The following TTC7B variants were observed in gnomAD, a reference collection of about 807,000 sequenced individuals.
TTC7B encodes tetratricopeptide repeat domain 7B, also known as tetratricopeptide repeat protein 7B.
In TTC7B, 28 loss-of-function variants were observed where a neutral mutation model predicts 106.8. The ratio of observed to expected loss-of-function variants is 0.26; its 90% confidence interval spans 0.19 to 0.36. The LOEUF (loss-of-function observed/expected upper bound fraction) is 0.36, where lower values mean the gene tolerates loss of function less well. Among genes scored for constraint, TTC7B ranks in the 10% least tolerant of loss-of-function variants. TTC7B has a pLI of 1.00. For synonymous variants in TTC7B, 405 were observed against 430.6 expected (o/e 0.94, Z 0.74); for missense variants, 862 against 1,076.4 (o/e 0.80, Z 2.79).
chr14:90,695,980 T>C (rs990800126), intron 5 of TTC7B, among the ~76,000 whole-genome samples: 6 of 151,906 alleles, frequency 3.9e-5, no homozygotes, highest in Admixed American at 3.3e-4. Flanking sequence ...GTGTGCAACA[T>C]GGGTAAGGAT....
Position 90,663,112 on chromosome 14 carries a change from T to C in TTC7B, c.1153-4725A>G, listed in dbSNP as rs1385772790. Among the ~76,000 whole-genome samples, 1 of 152,196 alleles carries C rather than the reference T, an allele frequency of 6.6e-6. No individual in the cohort carries two copies. The highest frequency in any genetic ancestry group is 1.5e-5 in the Non-Finnish European group (1 of 68,036). On this transcript the variant is annotated intron_variant, in intron 9 of 19. Coordinates refer to ENST00000328459, the MANE Select transcript of TTC7B (RefSeq NM_001010854.2). This position sits in a 1 kb window ranked among gnomAD's most constrained non-coding sequence, Gnocchi z 4.5. ...CACTATTTTAATTACTTTACAAGCA[T>C]CGCCTCATCGGGTGACCCTAAGGAC...
At chr14:90,566,880 T>C (rs1890822223) in intron 19 of TTC7B, among the ~76,000 whole-genome samples, 1 of 152,210 alleles carries the variant, frequency 6.6e-6, no homozygotes, top group Non-Finnish European at 1.5e-5. Context: ...CATTCTCTCC[T>C]TTCCCCAGGT....
intron 13 of TTC7B, among the ~76,000 whole-genome samples, chr14:90,652,247 G>A (rs1885752009): frequency 6.6e-6 from 1 of 152,108 alleles, no homozygotes; most frequent in African/African-American, 2.4e-5. Flanking sequence ...CTTGTGTGTG[G>A]TAAGCAACAA....
intron 9 of TTC7B, among the ~76,000 whole-genome samples, chr14:90,662,901 G>C (rs1002941352): frequency 2.0e-5 from 3 of 152,116 alleles, no homozygotes; most frequent in African/African-American, 7.2e-5. Flanking sequence ...AATTTACAAT[G>C]CATTATATCA....
chr14:90,775,512 C>A (rs1890997416), intron 3 of TTC7B, among the ~76,000 whole-genome samples: 1 of 152,116 alleles, frequency 6.6e-6, no homozygotes, highest in South Asian at 2.1e-4. Context: ...AATTTCCACC[C>A]CAGCAGCAGG....
chr14:90,622,565 C>CA (rs1372779649), intron 15 of TTC7B, among the ~76,000 whole-genome samples: 1 of 151,778 alleles, frequency 6.6e-6, no homozygotes, highest in African/African-American at 2.4e-5. Flanking sequence ...CCTGTCTCTA[C>CA]AAAAAAATAT....
intron 19 of TTC7B, among the ~76,000 whole-genome samples, chr14:90,573,812 C>T (rs777822897): frequency 6.6e-6 from 1 of 152,360 alleles, no homozygotes; most frequent in Non-Finnish European, 1.5e-5. Flanking sequence ...TGGAGGCGGA[C>T]CCGAGCCTCC....
chr14:90,776,847 G>C (rs1012017269), intron 3 of TTC7B, among the ~76,000 whole-genome samples: 3 of 152,166 alleles, frequency 2.0e-5, no homozygotes, highest in African/African-American at 7.2e-5. Context: ...CCTAGCTGTA[G>C]GACCCTGGGC....
intron 1 of TTC7B, 145 bp from the exon 2 acceptor site, chr14:90,786,473 T>G (rs1006142938): frequency 2.4e-6 from 2 of 821,600 alleles, no homozygotes; most frequent in Non-Finnish European, 3.7e-6. Flanking sequence ...CTTCATAGGG[T>G]CTAAGTGGGC....
intron 6 of TTC7B, among the ~76,000 whole-genome samples, chr14:90,692,789 G>A (rs1887527248): frequency 6.6e-6 from 1 of 152,080 alleles, no homozygotes; most frequent in Non-Finnish European, 1.5e-5. Context: ...TATTCTTGTA[G>A]GTTCTTTTGC....
At chr14:90,581,237 T>C (rs1380159758) in intron 18 of TTC7B, among the ~76,000 whole-genome samples, 2 of 152,172 alleles carry the variant, frequency 1.3e-5, no homozygotes, top group Non-Finnish European at 2.9e-5. Flanking sequence ...CACTGAGCCC[T>C]GAAGGTGACC....
intron 7 of TTC7B, among the ~76,000 whole-genome samples, chr14:90,686,201 C>A (rs918720188): frequency 3.3e-5 from 5 of 152,128 alleles, no homozygotes; most frequent in Non-Finnish European, 7.4e-5. Flanking sequence ...AATGTATACA[C>A]CACAGCATTA....
chr14:90,568,775 A>T (rs1175617902), intron 19 of TTC7B, among the ~76,000 whole-genome samples: 2 of 152,152 alleles, frequency 1.3e-5, no homozygotes, highest in African/African-American at 2.4e-5. Flanking sequence ...TGCTGGGGAG[A>T]GGTGGGCAAG....
At chr14:90,762,736 G>T (rs773605159) in intron 3 of TTC7B, among the ~76,000 whole-genome samples, 1 of 152,164 alleles carries the variant, frequency 6.6e-6, no homozygotes, top group African/African-American at 2.4e-5. Flanking sequence ...AAGCCATCAC[G>T]CCTGAAACTG....
intron 5 of TTC7B, among the ~76,000 whole-genome samples, chr14:90,706,329 A>AT (rs1381061469): frequency 1.3e-5 from 2 of 151,560 alleles, no homozygotes; most frequent in Admixed American, 1.3e-4. Flanking sequence ...CACCTGGCTA[A>AT]TTTTTTTGTA....
intron 19 of TTC7B, among the ~76,000 whole-genome samples, chr14:90,564,358 G>A (rs918915633): frequency 8.5e-5 from 13 of 152,166 alleles, no homozygotes; most frequent in Admixed American, 7.2e-4. Flanking sequence ...TTAAACAGGT[G>A]TGCCATCATC....
chr14:90,585,370 C>T (rs945281824), intron 18 of TTC7B, among the ~76,000 whole-genome samples: 20 of 152,214 alleles, frequency 1.3e-4, no homozygotes, highest in African/African-American at 4.3e-4. Flanking sequence ...GACCCATCCC[C>T]TCCGCTGCCT....
At position 90,527,656 on chromosome 14, in the gene TTC7B, T is replaced by A. The variant is rs2139745942; in HGVS notation, c.*13712A>T. On this transcript the variant is annotated 3_prime_UTR_variant, in exon 20 of 20. Transcript: ENST00000328459. ...CTCACTGCAAGCTCTGCTTCCCGGG[T>A]TCATGCCATTCTCCTGCCTCAGCCT... is the stretch of plus-strand genomic sequence containing the variant. 6.7e-6 allele frequency: 1 copy of A among 148,494 alleles called. No individual in the cohort carries two copies. The highest frequency in any genetic ancestry group is 6.8e-5 in the Admixed American group (1 of 14,704). The allele number at this position is 148,494 out of a possible 1,614,324, so 9.2% of individuals were successfully genotyped here.
At chr14:90,787,900 T>C (rs1435393708) in intron 1 of TTC7B, among the ~76,000 whole-genome samples, 1 of 152,220 alleles carries the variant, frequency 6.6e-6, no homozygotes, top group Non-Finnish European at 1.5e-5. Flanking sequence ...TGGTGGTTTA[T>C]GCCTGTAATC....
Sources: allele counts gnomAD v4.1 joint callset (sites outside exome capture counted in the v4.1 genomes callset), GRCh38; gene constraint gnomAD v4.1.1; non-coding constraint Gnocchi (gnomAD v3.1); transcripts MANE v1.5; gene names NCBI Gene and HGNC (gene_info 2026-07-23, HGNC 2026-07-21).